Variants in COL9A3 observed in about 807,000 individuals in gnomAD.
COL9A3 encodes collagen type IX alpha 3 chain, also known as collagen alpha-3(IX) chain.
A neutral mutation model predicts 110.2 loss-of-function variants in COL9A3; 82 were observed. The ratio of observed to expected loss-of-function variants is 0.74; its 90% CI spans 0.62 to 0.89. The LOEUF (loss-of-function observed/expected upper bound fraction) is 0.89, where lower values mean the gene tolerates loss of function less well. Among genes scored for constraint, COL9A3 ranks in the 40% least tolerant of loss-of-function variants. The pLI, the probability that COL9A3 is intolerant of heterozygous loss-of-function variation, is 0.00. For missense variants in COL9A3, 1,066 were observed against 981.3 expected, an observed-to-expected ratio of 1.09 and a Z score of -1.15; for synonymous variants, 494 against 403.8, an observed-to-expected ratio of 1.22 and a Z score of -2.68.
rs768605862 is a variant in COL9A3 at position 62,819,921 on chromosome 20, C to T, written c.256-8C>T. 8.1e-6 allele frequency: 13 copies of T among 1,612,780 alleles called. No homozygotes were observed. The highest frequency in any genetic ancestry group is 1.1e-5 in the Non-Finnish European group (13 of 1,180,000). On this transcript the variant is annotated splice_region_variant and splice_polypyrimidine_tract_variant and intron_variant, in intron 4 of 31. Transcript: ENST00000649368. ...GGCCCCTCGAGCTCGCCCTCTGCCT[C>T]TCCCCAGGGTCTGACTGGACGAGAT...
At chr20:62,828,169 AGGGGCCTCAGGCT>A (rs1217254042) in intron 17 of COL9A3, among the ~76,000 whole-genome samples, 193 bp downstream of exon 17, 1 of 151,922 alleles carries the variant, frequency 6.6e-6, no homozygotes, top group Non-Finnish European at 1.5e-5. Flanking sequence ...GTGCAGGAGT[AGGGGCCTCAGGCT>A]GGGTTTACCT....
At chr20:62,818,006 C>T in intron 2 of COL9A3, 1 of 374,756 alleles carries the variant, frequency 2.7e-6, no homozygotes, top group Non-Finnish European at 5.1e-6. Context: ...GCTCTGGAGC[C>T]AGCCATGGAG....
At chr20:62,832,734 C>T in intron 25 of COL9A3, 1 of 357,124 alleles carries the variant, frequency 2.8e-6, no homozygotes, top group Admixed American at 5.2e-5. Flanking sequence ...CCTTTCCATA[C>T]CGCTGGAGGG....
At chr20:62,828,054 G>A (rs2063568642) in intron 17 of COL9A3, 78 bp downstream of exon 17, 1 of 1,486,934 alleles carries the variant, frequency 6.7e-7, no homozygotes, top group Non-Finnish European at 9.3e-7. Context: ...CATTCAGAAG[G>A]GCTGGAGCTC....
intron 17 of COL9A3, among the ~76,000 whole-genome samples, chr20:62,828,208 GA>G (rs2063569751): frequency 6.6e-6 from 1 of 152,198 alleles, no homozygotes; most frequent in Non-Finnish European, 1.5e-5. Context: ...GAGGACACGG[GA>G]AGTAAGGGTG....
rs2063580314 is a variant in COL9A3, at chr20:62,829,640, G to T, written c.1066G>T (p.Glu356Ter). The T allele has an allele frequency of 6.2e-7, 1 of 1,609,876 alleles. No individual in the cohort carries two copies. Among genetic ancestry groups the T allele is most frequent in the Admixed American group, 1.7e-5 (1 of 59,478 alleles). Residue 356 changes from glutamate (E) to a stop codon, truncating the protein, a stop_gained, in exon 21 of 32, where the codon GAG becomes TAG. Transcript: ENST00000649368. LOFTEE classifies it high-confidence loss of function. ...CCTTCCTCTACAGGGCAGAGCTGGG[G>T]AGCTGGGTGAGGCCGGCCCCTCTGG... ...GEKGERGRAG[E>*]LGEAGPSGEP...
intron 24 of COL9A3, 104 bp from the exon 25 acceptor site, chr20:62,832,050 C>A: frequency 8.7e-7 from 1 of 1,142,892 alleles, no homozygotes; most frequent in Non-Finnish European, 1.3e-6. Flanking sequence ...TTGTGCAGCA[C>A]AGATGGAGAT....
chr20:62,825,450 A>C, intron 12 of COL9A3: 2 of 377,604 alleles, frequency 5.3e-6, no homozygotes, highest in South Asian at 6.9e-5. Context: ...GTGTCTGTCC[A>C]TGGTCACCTG....
At chr20:62,817,328 C>T (rs954465564) in intron 1 of COL9A3, 186 bp downstream of exon 1, 47 of 500,302 alleles carry the variant, frequency 9.4e-5, no homozygotes, top group African/African-American at 1.8e-4. Flanking sequence ...CCTCGCTGGC[C>T]CGGGTCGGCC....
chr20:62,820,843 G>A (rs1186206226), intron 5 of COL9A3, among the ~76,000 whole-genome samples: 1 of 152,204 alleles, frequency 6.6e-6, no homozygotes, highest in East Asian at 1.9e-4. Context: ...GACGTGGGCG[G>A]GGGCTGAGGA....
Position 62,829,694 on chromosome 20 carries a change from G to C in COL9A3, c.1107+13G>C. ...GCCAGGCGTCCCTGTGAGTATCTGC[G>C]GCGCCCCAGACCCCTCCCCATCCAG... On this transcript the variant is annotated intron_variant, in intron 21 of 31. Transcript: ENST00000649368. 6.2e-7 allele frequency: 1 copy of C among 1,605,944 alleles called. No homozygotes were observed. The highest frequency in any genetic ancestry group is 8.5e-7 in the Non-Finnish European group (1 of 1,177,158).
chr20:62,836,163 C>T (rs1471365791), intron 27 of COL9A3, 24 bp from the exon 28 acceptor site: 9 of 1,611,818 alleles, frequency 5.6e-6, no homozygotes, highest in Non-Finnish European at 7.6e-6. Context: ...CGCCCCTGAC[C>T]CACCTTCCTC....
chr20:62,836,380 T>C (rs746764144), intron 28 of COL9A3, 47 bp downstream of exon 28: 2 of 1,613,996 alleles, frequency 1.2e-6, no homozygotes, highest in Non-Finnish European at 1.7e-6. Flanking sequence ...GTTGAGATCG[T>C]GTTTTTTCCG....
chr20:62,827,150 T>TC, intron 15 of COL9A3, 91 bp from the exon 16 acceptor site: 2 of 1,266,846 alleles, frequency 1.6e-6, no homozygotes, highest in East Asian at 2.3e-5. Flanking sequence ...TGGAGGGCTG[T>TC]CCCCCGCCCG....
Position 62,821,830 on chromosome 20 carries a change from C to T in COL9A3, c.423+20C>T. ...CCCCCGGTGAGTGGCTGTCCCAGAG[C>T]CCCTCAGAGTGTGCTCACCTGTGGC... On this transcript the variant is annotated intron_variant, in intron 8 of 31. Transcript: ENST00000649368. The T allele has an allele frequency of 6.4e-7, 1 of 1,558,134 alleles. No homozygotes were observed. Among genetic ancestry groups the T allele is most frequent in the Non-Finnish European group, 8.8e-7 (1 of 1,133,348 alleles).
rs764519179 is a variant in COL9A3 at position 62,828,990 on chromosome 20, G to A, written c.1008+14G>A. 13 of 1,592,054 alleles carry A rather than the reference G, an allele frequency of 8.2e-6. No individual in the cohort carries two copies. The highest frequency in any genetic ancestry group is 2.2e-4 in the Middle Eastern group (1 of 4,628). Reference sequence around the variant, plus strand: ...AACGGGCTGCCGGTGAGTGCCCGGCGGGTGGGGCCAGCCTGGGGCGCCACA... The same window carrying A: ...AACGGGCTGCCGGTGAGTGCCCGGCAGGTGGGGCCAGCCTGGGGCGCCACA... On this transcript the variant is annotated intron_variant, in intron 19 of 31. Coordinates refer to ENST00000649368, the MANE Select transcript of COL9A3 (RefSeq NM_001853.4).
chr20:62,818,648 G>GCCGGAGC, intron 3 of COL9A3, 95 bp downstream of exon 3: 4 of 1,362,398 alleles, frequency 2.9e-6, no homozygotes, highest in Non-Finnish European at 4.2e-6. Context: ...GTCTCATCCT[G>GCCGGAGC]CCGGAGCCCG....
chr20:62,821,410 G>T, intron 6 of COL9A3, 97 bp from the exon 7 acceptor site: 1 of 1,533,306 alleles, frequency 6.5e-7, no homozygotes, highest in Non-Finnish European at 9.0e-7. Flanking sequence ...CCCTGGAACC[G>T]CCCTTTCCCC....
At chr20:62,837,734 A>G (rs994375512) in intron 30 of COL9A3, among the ~76,000 whole-genome samples, 1 of 152,128 alleles carries the variant, frequency 6.6e-6, no homozygotes, top group African/African-American at 2.4e-5. Flanking sequence ...TTGAACCCTG[A>G]AGGCAGAGGT....
Sources: gnomAD v4.1 joint callset for allele counts (sites outside exome capture counted in the v4.1 genomes callset) on GRCh38, gnomAD v4.1.1 for gene constraint, MANE v1.5 for transcripts, NCBI Gene and HGNC (gene_info 2026-07-23, HGNC 2026-07-21) for gene names.